The following FHIT variants were observed in gnomAD, a reference collection of about 807,000 sequenced individuals.
FHIT encodes the protein bis(5'-adenosyl)-triphosphatase.
In FHIT, 19 loss-of-function variants were observed where a neutral mutation model predicts 17.9. The observed-to-expected ratio is 1.06, with a 90% CI of 0.74 to 1.56. The LOEUF (loss-of-function observed/expected upper bound fraction) is 1.56, where lower values mean the gene tolerates loss of function less well. Ranked by LOEUF, FHIT falls within the 40% of genes most tolerant of loss-of-function variation. FHIT has a pLI of 0.00. For synonymous variants in FHIT, 81 were observed against 69.7 expected, an observed-to-expected ratio of 1.16 and a Z score of -0.81; for missense variants, 248 against 189.2, an observed-to-expected ratio of 1.31 and a Z score of -1.82.
intron 5 of FHIT, among the ~76,000 whole-genome samples, chr3:60,508,554 T>A (rs896299955): frequency 6.6e-6 from 1 of 152,192 alleles, no homozygotes; most frequent in African/African-American, 2.4e-5. Context: ...TTAGACTTCA[T>A]TGGAGAGTTC....
chr3:60,536,555 C>T (rs1409079085), intron 5 of FHIT: 1 of 260,582 alleles, frequency 3.8e-6, no homozygotes, highest in Non-Finnish European at 7.2e-6. Context: ...TTTAGAAGCA[C>T]CTATTTATTT....
chr3:60,732,155 G>A (rs771287695), intron 4 of FHIT: 6 of 782,810 alleles, frequency 7.7e-6, no homozygotes, highest in Non-Finnish European at 1.3e-5. Context: ...TAGTAGAGCT[G>A]TCCACAGTCA....
In FHIT at chr3:59,748,213, G is replaced by A. The variant is rs895335003; in HGVS notation, c.*1372C>T. Among the ~76,000 whole-genome samples the A allele has an allele frequency of 6.6e-6, 1 of 151,868 alleles. No individual in the cohort carries two copies. The highest frequency in any genetic ancestry group is 2.4e-5 in the African/African-American group (1 of 41,338). On this transcript the variant is annotated 3_prime_UTR_variant, in exon 10 of 10. Coordinates refer to ENST00000492590, the MANE Select transcript of FHIT (RefSeq NM_002012.4). ...TTTTTCTTTGAGGCTGAAATATAAA[G>A]TTTAAGATATATATACTAAAATTCA...
At chr3:60,904,802 C>T (rs375769334) in intron 3 of FHIT, among the ~76,000 whole-genome samples, 2 of 151,594 alleles carry the variant, frequency 1.3e-5, no homozygotes, top group East Asian at 2.0e-4. Flanking sequence ...CAGCCAGGCA[C>T]GGTGGCAGGC....
intron 4 of FHIT, among the ~76,000 whole-genome samples, chr3:60,573,787 G>A (rs1247100087): frequency 6.6e-6 from 1 of 151,874 alleles, no homozygotes; most frequent in Non-Finnish European, 1.5e-5. Context: ...CATTCATTCT[G>A]CGTTCATTTA....
chr3:61,019,503 A>G (rs1470297584), intron 3 of FHIT, among the ~76,000 whole-genome samples: 1 of 152,240 alleles, frequency 6.6e-6, no homozygotes, highest in East Asian at 1.9e-4. Flanking sequence ...TACCGTGAAT[A>G]GGAAGTCTAA....
intron 3 of FHIT, among the ~76,000 whole-genome samples, chr3:60,913,994 C>T (rs1553766536): frequency 1.3e-5 from 2 of 152,144 alleles, no homozygotes; most frequent in African/African-American, 4.8e-5. Context: ...AGTCAAAAGG[C>T]AAACAAATGT....
chr3:60,156,135 T>C (rs1188817628), intron 5 of FHIT, among the ~76,000 whole-genome samples: 1 of 148,888 alleles, frequency 6.7e-6, no homozygotes, highest in African/African-American at 2.5e-5. Context: ...TGGAGGATCA[T>C]GACGTCAGGA....
At chr3:60,732,600 C>A in intron 4 of FHIT, 1 of 542,096 alleles carries the variant, frequency 1.8e-6, no homozygotes, top group Non-Finnish European at 3.7e-6. Flanking sequence ...GGCTCCGTGT[C>A]AATGGCAATG....
intron 4 of FHIT, among the ~76,000 whole-genome samples, chr3:60,644,995 T>TTATGGATTCTG (rs1234293384): frequency 6.6e-6 from 1 of 152,106 alleles, no homozygotes; most frequent in Non-Finnish European, 1.5e-5. Flanking sequence ...TGATAAGCTT[T>TTATGGATTCTG]TATGGATTCT....
intron 5 of FHIT, among the ~76,000 whole-genome samples, chr3:60,238,114 C>T (rs893387751): frequency 6.8e-6 from 1 of 146,804 alleles, no homozygotes; most frequent in Non-Finnish European, 1.5e-5. Flanking sequence ...CCACTGCACT[C>T]CAGCCTGGCA....
intron 4 of FHIT, among the ~76,000 whole-genome samples, chr3:60,590,027 T>G (rs1177815522): frequency 6.6e-6 from 1 of 152,102 alleles, no homozygotes; most frequent in African/African-American, 2.4e-5. Flanking sequence ...AGAGGACACA[T>G]CTACAAGACT....
At chr3:60,106,339 C>T (rs1384688758) in intron 5 of FHIT, among the ~76,000 whole-genome samples, 4 of 152,122 alleles carry the variant, frequency 2.6e-5, no homozygotes, top group African/African-American at 9.7e-5. Context: ...AGGGTGGCAA[C>T]ACCTATAGGA....
chr3:60,957,311 C>G (rs6782382), intron 3 of FHIT, among the ~76,000 whole-genome samples: 51,770 of 145,226 alleles, frequency 0.36, 9,388 homozygotes, highest in Middle Eastern at 0.51. Context: ...GATCTCAGCT[C>G]ACTGCAACCT....
At chr3:59,932,401 A>C (rs1029332724) in intron 7 of FHIT, among the ~76,000 whole-genome samples, 2 of 152,186 alleles carry the variant, frequency 1.3e-5, no homozygotes, top group Non-Finnish European at 2.9e-5. Flanking sequence ...TAGGAAGAAA[A>C]CATGCCTTGT....
In FHIT at chr3:59,862,164, C is replaced by G. The variant is rs77439643; in HGVS notation, c.348+60182G>C. On this transcript the variant is annotated intron_variant, in intron 8 of 9. Transcript: ENST00000492590. The stretch of plus-strand genomic sequence containing the variant: ...AAGAGGTTTAATGGACTCACAGCCC[C>G]ACATGGTGGGGGAGACCTCACAATC... Among the ~76,000 whole-genome samples, 945 of 152,304 alleles carry G rather than the reference C, an allele frequency of 6.2e-3. 11 individuals are homozygous for G. The highest frequency in any genetic ancestry group is 0.022 in the African/African-American group (902 of 41,568).
chr3:60,104,570 A>AAG (rs1320722746), intron 5 of FHIT, among the ~76,000 whole-genome samples: 9 of 151,984 alleles, frequency 5.9e-5, no homozygotes, highest in African/African-American at 1.9e-4. Flanking sequence ...ATTGCAATGC[A>AAG]GTGAATAGTG....
chr3:60,472,313 G>T (rs1012472037), intron 5 of FHIT, among the ~76,000 whole-genome samples: 1 of 150,822 alleles, frequency 6.6e-6, no homozygotes, highest in Admixed American at 6.6e-5. Flanking sequence ...ATAAAGGTTT[G>T]CATGTCTTCA....
chr3:61,217,271 G>T (rs1045494818), intron 1 of FHIT, among the ~76,000 whole-genome samples: 1 of 152,162 alleles, frequency 6.6e-6, no homozygotes, highest in African/African-American at 2.4e-5. Flanking sequence ...TGAGGCTTCC[G>T]CTAGCAGACT....
Sources: allele counts gnomAD v4.1 joint callset (sites outside exome capture counted in the v4.1 genomes callset), GRCh38; gene constraint gnomAD v4.1.1; transcripts MANE v1.5; gene names NCBI Gene and HGNC (gene_info 2026-07-23, HGNC 2026-07-21).